The following CHAF1B variants were observed in gnomAD, a reference collection of about 807,000 sequenced individuals.
CHAF1B encodes the protein chromatin assembly factor 1 subunit B.
A neutral mutation model predicts 60.7 loss-of-function variants in CHAF1B; 10 were observed. The observed-to-expected ratio is 0.16, with a 90% CI of 0.10 to 0.28. CHAF1B has a LOEUF of 0.28. Ranked by LOEUF, CHAF1B falls within the 10% of genes least tolerant of loss-of-function variation. The pLI, the probability that CHAF1B is intolerant of heterozygous loss-of-function variation, is 1.00. For synonymous variants in CHAF1B, 261 were observed against 266.1 expected, an observed-to-expected ratio of 0.98 and a Z score of 0.19; for missense variants, 558 against 708.4, an observed-to-expected ratio of 0.79 and a Z score of 2.41.
Position 36,400,158 on chromosome 21 carries a change from C to T in CHAF1B, c.663+553C>T, listed in dbSNP as rs141093317. ...TCATGCCACTGCACTCTAGCCTGGG[C>T]GACAGAGCGAGACTCGATTTCAAAA... On this transcript the variant is annotated intron_variant, in intron 7 of 13. Transcript: ENST00000314103. Among the ~76,000 whole-genome samples the T allele has an allele frequency of 5.7e-3, 870 of 151,600 alleles. 5 individuals carry two copies. The highest frequency in any genetic ancestry group is 0.019 in the African/African-American group (781 of 41,314).
intron 7 of CHAF1B, among the ~76,000 whole-genome samples, chr21:36,401,714 C>T (rs905117247): frequency 4.2e-5 from 6 of 142,446 alleles, no homozygotes; most frequent in Non-Finnish European, 7.5e-5. Context: ...AATAGTAATG[C>T]CGGCTTCCTT....
Position 36,414,164 on chromosome 21 carries a change from C to A in CHAF1B, c.1493+849C>A, listed in dbSNP as rs142014691. 7.9e-5 allele frequency among the ~76,000 whole-genome samples: 12 copies of A among 152,354 alleles called. No homozygotes were observed. The East Asian group carries it at 9.7e-4, about 12-fold the overall frequency. On this transcript the variant is annotated intron_variant, in intron 12 of 13. Transcript: ENST00000314103. The stretch of plus-strand genomic sequence containing the variant: ...GCCTCCTGTTTCCATTCTTCCCCTG[C>A]AGCTGATGTCCAGTTACCCCTCTGA...
In CHAF1B at chr21:36,413,219, A is replaced by G. The variant is rs375860533; in HGVS notation, c.1397A>G (p.Glu466Gly). The change falls in exon 12 of 14, where the codon GAG becomes GGG. Residue 466 changes from glutamate to glycine, a missense_variant. Physicochemically the swap from Glu to Gly is moderately conservative, Grantham distance 98. Transcript: ENST00000314103. ...AGCCCCTTGCCGGGGCCTTCGGAGG[A>G]GAAGACCCTGCAGCCCAGTAGTCAA... is the stretch of plus-strand genomic sequence containing the variant. Reference protein sequence around the residue: ...VKSPLPGPSEEKTLQPSSQNT... With the variant: ...VKSPLPGPSEGKTLQPSSQNT... 6.2e-7 allele frequency: 1 copy of G among 1,614,088 alleles called. No individual in the cohort carries two copies. Among genetic ancestry groups the G allele is most frequent in the Non-Finnish European group, 8.5e-7 (1 of 1,180,018 alleles).
intron 3 of CHAF1B, among the ~76,000 whole-genome samples, chr21:36,389,800 T>TGCGCGCGCGCGCGCGCGCGC (rs1555911823): frequency 3.0e-4 from 38 of 124,730 alleles, no homozygotes; most frequent in African/African-American, 1.2e-3. Flanking sequence ...TGTGTGTGTG[T>TGCGCGCGCGCGCGCGCGCGC]GCGCGCGCAC....
chr21:36,387,470 C>T, intron 2 of CHAF1B, 128 bp from the exon 3 acceptor site: 2 of 1,154,974 alleles, frequency 1.7e-6, no homozygotes, highest in Non-Finnish European at 2.5e-6. Flanking sequence ...ATTTACCCAC[C>T]TTGGCCTCCT....
chr21:36,393,860 A>G (rs1324784639), intron 4 of CHAF1B, among the ~76,000 whole-genome samples: 1 of 151,834 alleles, frequency 6.6e-6, no homozygotes, highest in Non-Finnish European at 1.5e-5. Context: ...TTGTCCTTAT[A>G]TTTTTGATAA....
rs746327888 is a variant in CHAF1B at position 36,402,890 on chromosome 21, G to A, written c.757+39G>A. On this transcript the variant is annotated intron_variant, in intron 8 of 13. Transcript: ENST00000314103. The stretch of plus-strand genomic sequence containing the variant: ...CTTTGGACTTAAAGGAATGATGGCC[G>A]AGTGGGGATGTCTGCTCCCGTTTTA... The A allele has an allele frequency of 3.0e-5, 45 of 1,490,224 alleles. 2 individuals carry two copies. The highest frequency in any genetic ancestry group is 1.4e-4 in the South Asian group (12 of 88,306). The allele number at this position is 1,490,224 out of a possible 1,614,324, so 92.3% of individuals were successfully genotyped here. A position where few individuals can be genotyped will look rare whatever the true frequency, so the allele number is the denominator to read the frequency against.
chr21:36,394,498 C>CTA, intron 4 of CHAF1B, 49 bp from the exon 5 acceptor site: 1 of 1,325,860 alleles, frequency 7.5e-7, no homozygotes, highest in East Asian at 2.3e-5. Flanking sequence ...GGGTAAGCTG[C>CTA]TATACCTGGG....
chr21:36,406,188 A>C (rs139345406), intron 8 of CHAF1B, among the ~76,000 whole-genome samples: 1 of 152,340 alleles, frequency 6.6e-6, no homozygotes, highest in African/African-American at 2.4e-5. Context: ...AATTAATTGT[A>C]TGTTACTTAA....
rs368209090 is a variant in CHAF1B at position 36,386,097 on chromosome 21, G to A, written c.-40G>A. On this transcript the variant is annotated 5_prime_UTR_variant, in exon 2 of 14. Transcript: ENST00000314103. ...TTCTCCTGTCTTGAAGAAGTAGAACGGTGCCCGAGAAACGTTTTTCCCCTT... is the reference window on the plus strand; with the variant it reads ...TTCTCCTGTCTTGAAGAAGTAGAACAGTGCCCGAGAAACGTTTTTCCCCTT... The A allele has an allele frequency of 1.4e-5, 23 of 1,612,276 alleles. No homozygotes were observed. The highest frequency in any genetic ancestry group is 5.5e-5 in the South Asian group (5 of 90,890).
chr21:36,411,459 C>G lies in CHAF1B; in HGVS notation c.920-4C>G. 3 of 1,613,636 alleles carry G rather than the reference C, an allele frequency of 1.9e-6. No homozygotes were observed. Among genetic ancestry groups the G allele is most frequent in the Non-Finnish European group, 2.5e-6 (3 of 1,179,966 alleles). On this transcript the variant is annotated splice_region_variant and splice_polypyrimidine_tract_variant and intron_variant, in intron 10 of 13. Transcript: ENST00000314103. ...TTTACTTTGTCTCTGTCCCCAACCC[C>G]CAGGTGTGGAGCTGATGAGTCTGCC...
intron 11 of CHAF1B, 106 bp downstream of exon 11, chr21:36,411,710 G>T (rs2146376280): frequency 2.3e-6 from 3 of 1,295,800 alleles, no homozygotes; most frequent in Non-Finnish European, 3.2e-6. Context: ...GGCTTTGGGG[G>T]ACATATTCAC....
intron 5 of CHAF1B, 79 bp downstream of exon 5, chr21:36,394,729 A>AT: frequency 2.2e-6 from 2 of 922,672 alleles, no homozygotes; most frequent in South Asian, 1.7e-5. Flanking sequence ...ACTTGCTTTA[A>AT]CTTTTTTTTT....
At chr21:36,404,573 T>C (rs1015577011) in intron 8 of CHAF1B, among the ~76,000 whole-genome samples, 1 of 150,254 alleles carries the variant, frequency 6.7e-6, no homozygotes, top group Non-Finnish European at 1.5e-5. Flanking sequence ...TAGCTGGGAT[T>C]ACAGGCATGC....
chr21:36,387,719 C>T lies in CHAF1B; in HGVS notation c.248C>T (p.Ser83Leu), dbSNP rs1268081122. 1.9e-6 allele frequency: 3 copies of T among 1,613,648 alleles called. No individual in the cohort carries two copies. The highest frequency in any genetic ancestry group is 1.7e-5 in the Admixed American group (1 of 59,982). Residue 83 changes from serine (S) to leucine (L), a missense_variant, in exon 3 of 14, where the codon TCG becomes TTG. This residue lies in a region of CHAF1B where 325 missense variants were observed against 493.5 expected (regional missense o/e 0.66). Coordinates refer to ENST00000314103, the MANE Select transcript of CHAF1B (RefSeq NM_005441.3). ...RFSPTGEILA[S>L]GGDDAVILLW... ...TCTCCAACTGGGGAAATTTTAGCAT[C>T]GGGAGGAGATGGTGAGTATTGCTGT... is the stretch of plus-strand genomic sequence containing the variant.
At chr21:36,415,534 G>A (rs2086311483) in intron 13 of CHAF1B, 145 bp downstream of exon 13, 2 of 643,308 alleles carry the variant, frequency 3.1e-6, no homozygotes, top group Non-Finnish European at 5.4e-6. Flanking sequence ...AAACCCGCCG[G>A]CTGCCTGTTT....
intron 5 of CHAF1B, among the ~76,000 whole-genome samples, chr21:36,397,015 A>C (rs533967313): frequency 6.6e-6 from 1 of 152,210 alleles, no homozygotes; most frequent in East Asian, 1.9e-4. Context: ...TCCCTGCTCC[A>C]TATTCACTTC....
intron 3 of CHAF1B, among the ~76,000 whole-genome samples, chr21:36,388,633 A>G (rs1038783364): frequency 7.9e-5 from 12 of 151,796 alleles, no homozygotes; most frequent in Admixed American, 5.9e-4. Context: ...CCCCCGGCTA[A>G]TTTTTGTATT....
At position 36,399,533 on chromosome 21, in the gene CHAF1B, A is replaced by G. The variant is rs757938706; in HGVS notation, c.591A>G (p.Val197=). The G allele has an allele frequency of 7.4e-6, 12 of 1,613,948 alleles. No homozygotes were observed. The highest frequency in any genetic ancestry group is 9.3e-6 in the Non-Finnish European group (11 of 1,179,806). The change falls in exon 7 of 14, where the codon GTA becomes GTG. Residue 197 remains valine, a synonymous_variant. Coordinates refer to ENST00000314103, the MANE Select transcript of CHAF1B (RefSeq NM_005441.3). ...GTTCTTTCTTCAGGGTGCTGCGAGT[A>G]TACAGTATACAGAAGAAGCGTGTGG... The part of the protein sequence containing the change: ...ATLSCDRVLR[V]YSIQKKRVAF...
Sources: gnomAD v4.1 joint callset for allele counts (sites outside exome capture counted in the v4.1 genomes callset) on GRCh38, gnomAD v4.1.1 for gene constraint, gnomAD v4.1.1 regional missense constraint, MANE v1.5 for transcripts, NCBI Gene and HGNC (gene_info 2026-07-23, HGNC 2026-07-21) for gene names.